KYAT3: variants seen among roughly 807,000 people sequenced by gnomAD.
KYAT3 encodes the protein kynurenine--oxoglutarate transaminase 3.
KYAT3 carries 50 observed loss-of-function variants against 59.0 expected under a neutral mutation model. The ratio of observed to expected loss-of-function variants is 0.85; its 90% CI spans 0.68 to 1.07. The LOEUF (loss-of-function observed/expected upper bound fraction) is 1.07. Among genes scored for constraint, KYAT3 ranks in the 50% least tolerant of loss-of-function variants. The pLI, the probability that KYAT3 is intolerant of heterozygous loss-of-function variation, is 0.00. For missense variants in KYAT3, 497 were observed against 533.3 expected (o/e 0.93, Z 0.67); for synonymous variants, 148 against 177.0 (o/e 0.84, Z 1.30).
chr1:88,991,121 G>T (rs899596408), intron 1 of KYAT3, among the ~76,000 whole-genome samples: 1 of 152,118 alleles, frequency 6.6e-6, no homozygotes, highest in Non-Finnish European at 1.5e-5. Context: ...TATTATCAAC[G>T]GTTTAGACTG....
intron 11 of KYAT3, among the ~76,000 whole-genome samples, chr1:88,943,723 T>A (rs1288146436): frequency 6.6e-6 from 1 of 152,190 alleles, no homozygotes; most frequent in Non-Finnish European, 1.5e-5. Context: ...AGAGGAGGGA[T>A]GCCTTTCCAT....
chr1:88,955,255 T>C lies in KYAT3; in HGVS notation c.788-30A>G, dbSNP rs369868621. The C allele has an allele frequency of 1.9e-4, 257 of 1,329,518 alleles. 1 individual carries two copies. The African/African-American group carries it at 3.4e-3, about 17-fold the overall frequency. The allele number at this position is 1,329,518 out of a possible 1,614,324, so 82.4% of individuals were successfully genotyped here. A position where few individuals can be genotyped will look rare whatever the true frequency, so the allele number is the denominator to read the frequency against. ...ACAGAGGAGGAAAAAAGGGTAAATA[T>C]TGTTTTCCAATTAATCACATTTAGT... On this transcript the variant is annotated intron_variant, in intron 8 of 13. Transcript: ENST00000260508.
chr1:88,962,457 C>A (rs1315751341), intron 5 of KYAT3, among the ~76,000 whole-genome samples: 1 of 152,144 alleles, frequency 6.6e-6, no homozygotes, highest in African/African-American at 2.4e-5. Context: ...CTATCACATT[C>A]TCAAAGGGAT....
intron 9 of KYAT3, among the ~76,000 whole-genome samples, chr1:88,954,144 C>T (rs1046005017): frequency 4.6e-5 from 7 of 152,112 alleles, no homozygotes; most frequent in South Asian, 2.1e-4. Flanking sequence ...GTGATCTACC[C>T]GCCTCGGCCT....
At chr1:88,966,171 T>C (rs1278485189) in intron 4 of KYAT3, among the ~76,000 whole-genome samples, 2 of 152,116 alleles carry the variant, frequency 1.3e-5, no homozygotes, top group Non-Finnish European at 2.9e-5. Flanking sequence ...CACATAGACA[T>C]GTATATACCT....
chr1:88,935,557 G>A (rs139704832), downstream of KYAT3, among the ~76,000 whole-genome samples: 119 of 152,290 alleles, frequency 7.8e-4, 1 homozygote, highest in African/African-American at 2.6e-3. Context: ...ATCACCAGAG[G>A]TGAGGATGTC....
intron 1 of KYAT3, among the ~76,000 whole-genome samples, chr1:88,990,429 C>T (rs1326189026): frequency 6.6e-6 from 1 of 152,220 alleles, no homozygotes; most frequent in Non-Finnish European, 1.5e-5. Flanking sequence ...GCAACTCTTG[C>T]TAAAGTCAGT....
Position 88,983,535 on chromosome 1 carries a change from G to A in KYAT3, c.99+4717C>T, listed in dbSNP as rs113402009. 13,662 of 1,614,162 alleles carry A rather than the reference G, an allele frequency of 8.5e-3. 60 individuals carry two copies. The highest frequency in any genetic ancestry group is 9.6e-3 in the Non-Finnish European group (11,351 of 1,180,028). ...GGAGGACCTCTACTTCTTGGAGGTG[G>A]GGGCGGTCCATGTCTACCTCTTTCA... On this transcript the variant is annotated intron_variant, in intron 2 of 13. Transcript: ENST00000260508.
intron 10 of KYAT3, among the ~76,000 whole-genome samples, chr1:88,951,760 T>C (rs1226521024): frequency 6.6e-6 from 1 of 152,172 alleles, no homozygotes; most frequent in African/African-American, 2.4e-5. Flanking sequence ...TTCTTGTTTC[T>C]TTTCTCTTTA....
chr1:88,982,178 G>A, intron 2 of KYAT3: 1 of 875,048 alleles, frequency 1.1e-6, no homozygotes, highest in Non-Finnish European at 1.4e-6. Flanking sequence ...TTTGCATACT[G>A]AGAACAGTGA....
chr1:88,923,724 C>T, the KYAT3 span: 1 of 275,458 alleles, frequency 3.6e-6, no homozygotes, highest in Admixed American at 5.6e-5. Flanking sequence ...AAGCTAGCCT[C>T]TGGGAATCCA....
rs1219181667 is a variant in KYAT3 at position 88,965,093 on chromosome 1, T to C, written c.304-115A>G. The stretch of plus-strand genomic sequence containing the variant: ...AAAATTTGGATTTGATGTTTATAAT[T>C]ACCCCAAGAAAATTTATATTTTTTA... On this transcript the variant is annotated intron_variant, in intron 4 of 13. Transcript: ENST00000260508. 2.3e-5 allele frequency: 17 copies of C among 738,456 alleles called. No individual in the cohort carries two copies. In the South Asian group the frequency reaches 3.0e-4, roughly 13 times the overall value. The allele number at this position is 738,456 out of a possible 1,614,324, so 45.7% of individuals were successfully genotyped here.
intron 11 of KYAT3, among the ~76,000 whole-genome samples, chr1:88,946,665 A>AT (rs150664359): frequency 0.11 from 16,128 of 152,078 alleles, 917 homozygotes; most frequent in Middle Eastern, 0.19. Flanking sequence ...AACTGTGCTA[A>AT]TTTTTTTTAT....
downstream of KYAT3, among the ~76,000 whole-genome samples, chr1:88,933,528 G>A (rs1674952854): frequency 6.6e-6 from 1 of 152,154 alleles, no homozygotes; most frequent in Non-Finnish European, 1.5e-5. Flanking sequence ...TGAATAGGAA[G>A]ACATAGCAGG....
At chr1:88,930,170 C>T in the KYAT3 span, among the ~76,000 whole-genome samples, 1 of 152,286 alleles carries the variant, frequency 6.6e-6, no homozygotes, top group East Asian at 1.9e-4. Flanking sequence ...TCATTGTTTA[C>T]TGGTAGTGGC....
chr1:88,977,387 A>G (rs1204861632), intron 2 of KYAT3, among the ~76,000 whole-genome samples: 1 of 152,196 alleles, frequency 6.6e-6, no homozygotes, highest in African/African-American at 2.4e-5. Context: ...TTTTTAATAG[A>G]GATGGGGTTT....
chr1:88,976,513 C>T (rs570505098), intron 2 of KYAT3, among the ~76,000 whole-genome samples: 1 of 152,260 alleles, frequency 6.6e-6, no homozygotes, highest in African/African-American at 2.4e-5. Flanking sequence ...ATGTACAGTA[C>T]ATAGTACTTG....
At chr1:88,988,156 A>G in intron 2 of KYAT3, 96 bp downstream of exon 2, 1 of 751,176 alleles carries the variant, frequency 1.3e-6, no homozygotes, top group Non-Finnish European at 2.2e-6. Context: ...TGTTCATTTC[A>G]ATAAAGTATT....
Position 88,954,278 on chromosome 1 carries a change from T to C in KYAT3, c.864+871A>G, listed in dbSNP as rs1675814852. ...GTTTTAACTGGATAAATTATTGTAA[T>C]AAATAATACAGTGGTTAAGTGCATG... On this transcript the variant is annotated intron_variant, in intron 9 of 13. Transcript: ENST00000260508. Among the ~76,000 whole-genome samples the C allele has an allele frequency of 1.3e-5, 2 of 152,198 alleles. 1 individual carries two copies. The highest frequency in any genetic ancestry group is 2.9e-5 in the Non-Finnish European group (2 of 68,032).
Sources: allele counts gnomAD v4.1 joint callset (sites outside exome capture counted in the v4.1 genomes callset), GRCh38; gene constraint gnomAD v4.1.1; transcripts MANE v1.5; gene names NCBI Gene and HGNC (gene_info 2026-07-23, HGNC 2026-07-21).